EPHA10: variants seen among roughly 807,000 people sequenced by gnomAD.
The protein encoded by EPHA10 is EPH receptor A10, also known as ephrin type-A receptor 10.
A neutral mutation model predicts 109.7 loss-of-function variants in EPHA10; 120 were observed. That is an observed-to-expected ratio of 1.09 (90% CI 0.94 to 1.27). The LOEUF is 1.27. Among genes scored for constraint, EPHA10 ranks in the 50% most tolerant of loss-of-function variants. The pLI is 0.00. For missense variants in EPHA10, 1,396 were observed against 1,411.1 expected (o/e 0.99, Z 0.17); for synonymous variants, 640 against 618.9 (o/e 1.03, Z -0.51).
intron 5 of EPHA10, among the ~76,000 whole-genome samples, chr1:37,749,248 A>G (rs1646286696): frequency 1.3e-5 from 2 of 152,070 alleles, no homozygotes; most frequent in South Asian, 4.2e-4. Flanking sequence ...AATGTAGAAA[A>G]TCATATTGCA....
At chr1:37,730,514 G>A (rs1645963866) in intron 7 of EPHA10, among the ~76,000 whole-genome samples, 1 of 152,140 alleles carries the variant, frequency 6.6e-6, no homozygotes, top group Non-Finnish European at 1.5e-5. Context: ...GGCAGTGGGT[G>A]GGGAGAAGAG....
rs1235696905 is a variant in EPHA10 at position 37,720,108 on chromosome 1, G to A, written c.2413-50C>T. The A allele has an allele frequency of 2.5e-6, 4 of 1,603,848 alleles. 1 individual carries two copies. Among genetic ancestry groups the A allele is most frequent in the East Asian group, 2.2e-5 (1 of 44,766 alleles). On this transcript the variant is annotated intron_variant, in intron 13 of 16. Coordinates refer to ENST00000373048, the MANE Select transcript of EPHA10 (RefSeq NM_001099439.2). ...CAAGGAGGAACTGGGTGACACGCAG[G>A]TTTCCCCACCCCACTGAGCCCCAGA... is the stretch of plus-strand genomic sequence containing the variant.
At chr1:37,733,049 T>C (rs911784006) in intron 6 of EPHA10, among the ~76,000 whole-genome samples, 1 of 151,286 alleles carries the variant, frequency 6.6e-6, no homozygotes. Flanking sequence ...CCCACCACCA[T>C]GTCTGGCTAA....
chr1:37,719,529 C>G lies in EPHA10; in HGVS notation c.2641G>C (p.Asp881His). 1 of 1,614,012 alleles carries G rather than the reference C, an allele frequency of 6.2e-7. No individual in the cohort carries two copies. ...TCACCTGGGTCCTTCTGCCAGCAGTCGAGCATTAGTCGGTGCAGAAGGTTA... is the reference window on the plus strand; with the variant it reads ...TCACCTGGGTCCTTCTGCCAGCAGTGGAGCATTAGTCGGTGCAGAAGGTTA... ...CPNLLHRLML[D>H]CWQKDPGERP... The change falls in exon 15 of 17, where the codon GAC (aspartate) becomes CAC (histidine). Residue 881 changes from aspartate to histidine, a missense_variant. Physicochemically the swap from Asp to His is moderately conservative, Grantham distance 81. Transcript: ENST00000373048.
Position 37,754,363 on chromosome 1 carries a change from G to A in EPHA10, c.858C>T (p.Pro286=). The A allele has an allele frequency of 1.5e-6, 2 of 1,306,240 alleles. No individual in the cohort carries two copies. The highest frequency in any genetic ancestry group is 2.0e-6 in the Non-Finnish European group (2 of 1,021,896). The allele number at this position is 1,306,240 out of a possible 1,614,324, so 80.9% of individuals were successfully genotyped here. A position where few individuals can be genotyped will look rare whatever the true frequency, so the allele number is the denominator to read the frequency against. ...GCGGGGACACCTTGTAAAACCCTGG[G>A]GGACAGGCTGCAGGGCATGGCTGGT... is the stretch of plus-strand genomic sequence containing the variant. ...QERGDFCEAC[P]PGFYKVSPRR... The change falls in exon 4 of 17, where the codon CCC becomes CCT. Residue 286 remains proline (P), a synonymous_variant. Transcript: ENST00000373048. The surrounding 1 kb of genome is among the most constrained non-coding windows in gnomAD (Gnocchi z 4.5).
In EPHA10 at chr1:37,761,416, TC is replaced by T. The variant is rs759774581; in HGVS notation, c.838del (p.Asp280ThrfsTer69). 56 of 1,598,596 alleles carry T rather than the reference TC, an allele frequency of 3.5e-5. No individual in the cohort carries two copies. Among genetic ancestry groups the T allele is most frequent in the Admixed American group, 8.3e-5 (5 of 59,900 alleles). On this transcript the variant is annotated frameshift_variant, in exon 3 of 17. Coordinates refer to ENST00000373048, the MANE Select transcript of EPHA10 (RefSeq NM_001099439.2). LOFTEE classifies it high-confidence loss of function. ...SCSAGFQERG[D>X]FCEACPPGFY... ...AGCCAACTGGATACCTTCGCAGAAG[TC>T]ACCACGCTCCTGGAATCCCGCGCTG...
At chr1:37,747,792 T>C (rs1646263054) in intron 5 of EPHA10, among the ~76,000 whole-genome samples, 1 of 151,442 alleles carries the variant, frequency 6.6e-6, no homozygotes, top group Non-Finnish European at 1.5e-5. Context: ...TAATAAATCA[T>C]AAAATAAGTG....
In EPHA10 at chr1:37,727,205, A is replaced by G. The variant is rs1207460653; in HGVS notation, c.1669T>C (p.Ser557Pro). The change falls in exon 8 of 17, where the codon TCA becomes CCA. Residue 557 changes from serine to proline, a missense_variant. Physicochemically the swap from Ser to Pro is moderately conservative, Grantham distance 74. Transcript: ENST00000373048. ...GCGGGGCTCTGGTCCCTGGACCCTGAGGCAGCTGGGAGGAAAATCACGAGG... is the reference window on the plus strand; with the variant it reads ...GCGGGGCTCTGGTCCCTGGACCCTGGGGCAGCTGGGAGGAAAATCACGAGG... ...IEVQTLGEAA[S>P]GSRDQSPAIV... 6.3e-7 allele frequency: 1 copy of G among 1,599,388 alleles called. No homozygotes were observed. Among genetic ancestry groups the G allele is most frequent in the South Asian group, 1.1e-5 (1 of 89,286 alleles).
intron 5 of EPHA10, among the ~76,000 whole-genome samples, chr1:37,741,023 G>A (rs1646145327): frequency 6.6e-6 from 1 of 152,174 alleles, no homozygotes; most frequent in African/African-American, 2.4e-5. Flanking sequence ...GCAAGGTGAT[G>A]GAAGCCCAGG....
Position 37,765,098 on chromosome 1 carries a change from G to A in EPHA10, c.-32C>T, listed in dbSNP as rs765848466. The A allele has an allele frequency of 1.3e-6, 2 of 1,553,850 alleles. No homozygotes were observed. Among genetic ancestry groups the A allele is most frequent in the East Asian group, 2.4e-5 (1 of 42,318 alleles). On this transcript the variant is annotated 5_prime_UTR_variant, in exon 1 of 17. Transcript: ENST00000373048. ...CAGACCGAGCTGTCAGTCCGGCGGCGGCTCAAGCCGCGCCAGCCTAGCACC... is the reference window on the plus strand; with the variant it reads ...CAGACCGAGCTGTCAGTCCGGCGGCAGCTCAAGCCGCGCCAGCCTAGCACC...
intron 5 of EPHA10, among the ~76,000 whole-genome samples, chr1:37,742,454 G>C (rs964680884): frequency 3.9e-5 from 6 of 152,178 alleles, no homozygotes; most frequent in Non-Finnish European, 5.9e-5. Flanking sequence ...AAAGTTTCTT[G>C]CTTTTAAAAA....
chr1:37,718,888 A>C (rs1645738050), intron 15 of EPHA10, 72 bp from the exon 16 acceptor site: 2 of 1,507,028 alleles, frequency 1.3e-6, no homozygotes, highest in Non-Finnish European at 1.8e-6. Context: ...TCCCGGGGAG[A>C]GGCCAGCTGA....
chr1:37,729,854 C>G (rs1429789214), intron 7 of EPHA10, among the ~76,000 whole-genome samples: 1 of 150,360 alleles, frequency 6.7e-6, no homozygotes, highest in East Asian at 1.9e-4. Context: ...GCCTGGGTGA[C>G]ACAGTAAGAC....
In EPHA10 at chr1:37,720,002, G is replaced by GA. The variant is rs1557528388; in HGVS notation, c.2468dup (p.Ser824GlnfsTer5). 11 of 1,613,946 alleles carry GA rather than the reference G, an allele frequency of 6.8e-6. No homozygotes were observed. Among genetic ancestry groups the GA allele is most frequent in the Middle Eastern group, 3.3e-4 (2 of 6,084 alleles). On this transcript the variant is annotated frameshift_variant, in exon 14 of 17. Transcript: ENST00000373048. LOFTEE classifies it high-confidence loss of function. The stretch of plus-strand genomic sequence containing the variant: ...AGCTCCACACGTCACTGGCAGAGCT[G>GA]AAGTGGCCAAACTGAAGTGTCTCGG...
chr1:37,718,368 C>A lies in EPHA10; in HGVS notation c.*4G>T. On this transcript the variant is annotated 3_prime_UTR_variant, in exon 17 of 17. Coordinates refer to ENST00000373048, the MANE Select transcript of EPHA10 (RefSeq NM_001099439.2). ...GAGTCCTGCCTTGGAAGAATGGGGT[C>A]CACTCACACCTGCACCCCCTGGCCC... 1 of 1,596,140 alleles carries A rather than the reference C, an allele frequency of 6.3e-7. No individual in the cohort carries two copies.
chr1:37,742,664 T>C (rs1646172152), intron 5 of EPHA10, among the ~76,000 whole-genome samples: 1 of 69,328 alleles, frequency 1.4e-5, no homozygotes, highest in African/African-American at 4.4e-5. Context: ...TCTAGCCCTC[T>C]TATGTGAGCT....
At chr1:37,720,216 G>A in intron 13 of EPHA10, 135 bp downstream of exon 13, 1 of 1,384,318 alleles carries the variant, frequency 7.2e-7, no homozygotes, top group Non-Finnish European at 9.7e-7. Context: ...CCTCAAGGTG[G>A]GGTTCACTCG....
intron 8 of EPHA10, among the ~76,000 whole-genome samples, chr1:37,725,212 T>C (rs1258912078): frequency 6.6e-6 from 1 of 151,682 alleles, no homozygotes; most frequent in African/African-American, 2.4e-5. Flanking sequence ...CTGGATTAAG[T>C]ATTGGGGTGA....
At chr1:37,740,441 G>T (rs1401542905) in intron 5 of EPHA10, among the ~76,000 whole-genome samples, 1 of 152,072 alleles carries the variant, frequency 6.6e-6, no homozygotes, top group Non-Finnish European at 1.5e-5. Context: ...GAGTAGCTGG[G>T]ACTACAGGTG....
Sources: allele counts gnomAD v4.1 joint callset (sites outside exome capture counted in the v4.1 genomes callset), GRCh38; gene constraint gnomAD v4.1.1; non-coding constraint Gnocchi (gnomAD v3.1); transcripts MANE v1.5; gene names NCBI Gene and HGNC (gene_info 2026-07-23, HGNC 2026-07-21).